Variants in TICAM2 observed in about 807,000 individuals in gnomAD.
TICAM2 encodes TIR domain-containing adapter molecule 2.
TICAM2 carries 8 observed loss-of-function variants against 7.3 expected under a neutral mutation model. The ratio of observed to expected loss-of-function variants is 1.10; its 90% CI spans 0.65 to 1.99. The LOEUF (loss-of-function observed/expected upper bound fraction) is 1.99. TICAM2 is among the 30% of genes most tolerant of loss of function. The pLI is 0.00. For synonymous variants in TICAM2, 113 were observed against 99.6 expected, an observed-to-expected ratio of 1.13 and a Z score of -0.80; for missense variants, 304 against 278.8, an observed-to-expected ratio of 1.09 and a Z score of -0.65.
chr5:115,578,948 T>G lies in TICAM2; in HGVS notation c.*1601A>C, dbSNP rs1046325681. On this transcript the variant is annotated 3_prime_UTR_variant, in exon 2 of 2. Transcript: ENST00000427199. ...CTTGCATGCTCCTCATAGAACGTTT[T>G]GGTTCATGGCTATGAAGAGGTAACT... 1 of 152,622 alleles carries G rather than the reference T, an allele frequency of 6.6e-6. No homozygotes were observed. The highest frequency in any genetic ancestry group is 1.5e-5 in the Non-Finnish European group (1 of 68,042). 9.5% of individuals were successfully genotyped at this position (152,622 alleles called of 1,614,324 possible).
chr5:115,584,345 G>A lies in TICAM2; in HGVS notation c.-59-3030C>T, dbSNP rs116549980. Among the ~76,000 whole-genome samples, 832 of 152,056 alleles carry A rather than the reference G, an allele frequency of 5.5e-3. 9 individuals carry two copies. Among genetic ancestry groups the A allele is most frequent in the African/African-American group, 0.018 (765 of 41,434 alleles). Reference sequence around the variant, plus strand: ...TCCCTTTATATCTTCAGAGCTTTCCGTAACAGCGCATAGAGAACTTCTTCT... The same window carrying A: ...TCCCTTTATATCTTCAGAGCTTTCCATAACAGCGCATAGAGAACTTCTTCT... On this transcript the variant is annotated intron_variant, in intron 1 of 1. Transcript: ENST00000427199.
intron 1 of TICAM2, among the ~76,000 whole-genome samples, chr5:115,586,978 C>T (rs1755128609): frequency 6.6e-6 from 1 of 152,078 alleles, no homozygotes; most frequent in South Asian, 2.1e-4. Context: ...AAGACAAAGA[C>T]AGGTGGACAT....
chr5:115,600,781 G>A (rs561862018), intron 1 of TICAM2, among the ~76,000 whole-genome samples: 2 of 152,128 alleles, frequency 1.3e-5, no homozygotes, highest in Admixed American at 6.5e-5. Flanking sequence ...AAATGAAAAT[G>A]GAGACTTAGA....
In TICAM2 at chr5:115,579,326, T is replaced by C. The variant is rs1754832898; in HGVS notation, c.*1223A>G. The C allele has an allele frequency of 6.6e-6, 1 of 152,616 alleles. No individual in the cohort carries two copies. Among genetic ancestry groups the C allele is most frequent in the African/African-American group, 2.4e-5 (1 of 41,466 alleles). The allele number at this position is 152,616 out of a possible 1,614,324, so 9.5% of individuals were successfully genotyped here. A position where few individuals can be genotyped will look rare whatever the true frequency, so the allele number is the denominator to read the frequency against. The stretch of plus-strand genomic sequence containing the variant: ...ACAAAAGCCTTTAGAGATCCATCAA[T>C]TCAACCCTTTCATTTCACAGATAAA... On this transcript the variant is annotated 3_prime_UTR_variant, in exon 2 of 2. Transcript: ENST00000427199.
chr5:115,595,395 T>C (rs1755472169), intron 1 of TICAM2, among the ~76,000 whole-genome samples: 1 of 152,228 alleles, frequency 6.6e-6, no homozygotes, highest in African/African-American at 2.4e-5. Context: ...TAGATATGTT[T>C]AGTCTGCCTC....
intron 1 of TICAM2, among the ~76,000 whole-genome samples, chr5:115,583,147 T>TA (rs951390499): frequency 3.7e-4 from 56 of 151,074 alleles, no homozygotes; most frequent in African/African-American, 9.7e-4. Flanking sequence ...TACTGCATCG[T>TA]AAAAAAAAAG....
intron 1 of TICAM2, among the ~76,000 whole-genome samples, chr5:115,598,439 A>T (rs534832395): frequency 6.6e-6 from 1 of 152,196 alleles, no homozygotes; most frequent in Non-Finnish European, 1.5e-5. Context: ...TCTTCATCGT[A>T]CCTAAAACAG....
At chr5:115,588,651 C>T (rs1449859241) in intron 1 of TICAM2, among the ~76,000 whole-genome samples, 1 of 152,204 alleles carries the variant, frequency 6.6e-6, no homozygotes, top group Non-Finnish European at 1.5e-5. Context: ...ACTTTCTGTA[C>T]CACAAGTACT....
intron 1 of TICAM2, among the ~76,000 whole-genome samples, chr5:115,583,698 G>T (rs1755009246): frequency 1.3e-5 from 2 of 152,184 alleles, no homozygotes; most frequent in African/African-American, 4.8e-5. Flanking sequence ...AGTGCACTGT[G>T]GTTCCCAGGG....
chr5:115,581,004 G>T lies in TICAM2; in HGVS notation c.253C>A (p.His85Asn). 4.3e-6 allele frequency: 7 copies of T among 1,614,018 alleles called. No individual in the cohort carries two copies. The highest frequency in any genetic ancestry group is 5.9e-6 in the Non-Finnish European group (7 of 1,179,976). ...EEVFLKFVIL[H>N]AEDDTDEALR... ...GCTTCATCTGTGTCATCTTCTGCAT[G>T]CAATATCACAAATTTGAGGAACACC... The change falls in exon 2 of 2, where the codon CAT becomes AAT. Residue 85 changes from histidine (H) to asparagine (N), a missense_variant. Physicochemically the swap from His to Asn is moderately conservative, Grantham distance 68. Transcript: ENST00000427199.
At chr5:115,600,171 G>A (rs557799681) in intron 1 of TICAM2, among the ~76,000 whole-genome samples, 1 of 152,178 alleles carries the variant, frequency 6.6e-6, no homozygotes, top group South Asian at 2.1e-4. Context: ...GGCAGTAACT[G>A]AGGCTGTTTA....
intron 1 of TICAM2, among the ~76,000 whole-genome samples, chr5:115,584,910 G>GA (rs1168220347): frequency 6.6e-6 from 1 of 151,892 alleles, no homozygotes; most frequent in African/African-American, 2.4e-5. Context: ...GAAGAGGAAT[G>GA]AAAAAAACAA....
intron 1 of TICAM2, among the ~76,000 whole-genome samples, chr5:115,589,980 T>A (rs1227777432): frequency 6.6e-6 from 1 of 152,206 alleles, no homozygotes; most frequent in Non-Finnish European, 1.5e-5. Context: ...TCAACCAGAA[T>A]AGAGAGTAAC....
Position 115,580,911 on chromosome 5 carries a change from G to T in TICAM2, c.346C>A (p.Pro116Thr), listed in dbSNP as rs763187223. ...IKPGIIFAEM[P>T]CGRQHLQNLD... ...TTCTGTAAATGCTGTCTGCCACATG[G>T]CATCTCAGCAAAGATTATTCCGGGT... The change falls in exon 2 of 2, where the codon CCA (proline) becomes ACA (threonine). Residue 116 changes from proline to threonine, a missense_variant. Physicochemically the swap from Pro to Thr is conservative, Grantham distance 38. Transcript: ENST00000427199. 17 of 1,613,782 alleles carry T rather than the reference G, an allele frequency of 1.1e-5. No homozygotes were observed. Among genetic ancestry groups the T allele is most frequent in the Non-Finnish European group, 1.4e-5 (16 of 1,179,728 alleles).
intron 1 of TICAM2, among the ~76,000 whole-genome samples, chr5:115,588,995 C>A (rs1205318046): frequency 6.6e-6 from 1 of 152,208 alleles, no homozygotes; most frequent in Non-Finnish European, 1.5e-5. Flanking sequence ...ATAAGACACA[C>A]CTTTCTACTT....
chr5:115,597,879 C>T (rs1357106599), intron 1 of TICAM2, among the ~76,000 whole-genome samples: 1 of 152,052 alleles, frequency 6.6e-6, no homozygotes. Context: ...TATGAGGGGA[C>T]CCACATAATA....
intron 1 of TICAM2, among the ~76,000 whole-genome samples, chr5:115,592,407 T>C (rs1455022187): frequency 6.6e-6 from 1 of 152,218 alleles, no homozygotes; most frequent in Non-Finnish European, 1.5e-5. Flanking sequence ...GATTACTACA[T>C]AGGTAAATGT....
chr5:115,602,320 C>A lies in TICAM2; in HGVS notation c.-283G>T, dbSNP rs1184609137. The stretch of plus-strand genomic sequence containing the variant: ...GTCGGGGGCCCGCAGAGGCCTCACC[C>A]TTGGAGGTCGCCGCTTGTCAGGCCT... On this transcript the variant is annotated 5_prime_UTR_variant, in exon 1 of 2. It adds an upstream start codon to the 5' untranslated region. Coordinates refer to ENST00000427199, the MANE Select transcript of TICAM2 (RefSeq NM_021649.7). 1 of 152,194 alleles carries A rather than the reference C, an allele frequency of 6.6e-6. No individual in the cohort carries two copies. Among genetic ancestry groups the A allele is most frequent in the African/African-American group, 2.4e-5 (1 of 41,398 alleles). 9.4% of individuals were successfully genotyped at this position (152,194 alleles called of 1,614,324 possible).
At position 115,578,629 on chromosome 5, in the gene TICAM2, T is replaced by C. The variant is rs1238864776; in HGVS notation, c.*1920A>G. 6.6e-6 allele frequency: 1 copy of C among 152,182 alleles called. No individual in the cohort carries two copies. The highest frequency in any genetic ancestry group is 2.1e-4 in the South Asian group (1 of 4,830). The allele number at this position is 152,182 out of a possible 1,614,324, so 9.4% of individuals were successfully genotyped here. A position where few individuals can be genotyped will look rare whatever the true frequency, so the allele number is the denominator to read the frequency against. ...CCACAATCTTCATTGGAGTTGAAAA[T>C]AAACAAGTTTAGTCAAGAGTAAAGA... On this transcript the variant is annotated 3_prime_UTR_variant, in exon 2 of 2. Coordinates refer to ENST00000427199, the MANE Select transcript of TICAM2 (RefSeq NM_021649.7).
Sources: allele counts gnomAD v4.1 joint callset (sites outside exome capture counted in the v4.1 genomes callset), GRCh38; gene constraint gnomAD v4.1.1; transcripts MANE v1.5; gene names NCBI Gene and HGNC (gene_info 2026-07-23, HGNC 2026-07-21).